CNTNAP5: variants seen among roughly 807,000 people sequenced by gnomAD.
CNTNAP5 encodes the protein contactin-associated protein-like 5.
A neutral mutation model predicts 150.2 loss-of-function variants in CNTNAP5; 72 were observed. The observed-to-expected ratio is 0.48, with a 90% CI of 0.40 to 0.58. The LOEUF (loss-of-function observed/expected upper bound fraction) is 0.58. Among genes scored for constraint, CNTNAP5 ranks in the 20% least tolerant of loss-of-function variants. The pLI is 0.00. For missense variants in CNTNAP5, 1,636 were observed against 1,626.2 expected (o/e 1.01, Z -0.10); for synonymous variants, 672 against 619.8 (o/e 1.08, Z -1.25).
chr2:124,212,663 T>G (rs1686043032), intron 1 of CNTNAP5, among the ~76,000 whole-genome samples: 1 of 152,072 alleles, frequency 6.6e-6, no homozygotes, highest in East Asian at 1.9e-4. Flanking sequence ...ACTGTCAGAG[T>G]GATGCCTTTG....
intron 13 of CNTNAP5, among the ~76,000 whole-genome samples, chr2:124,741,114 C>T (rs1680488937): frequency 6.6e-6 from 1 of 152,168 alleles, no homozygotes; most frequent in African/African-American, 2.4e-5. Flanking sequence ...GAAATGAGAA[C>T]TAAAACTCTT....
At chr2:124,416,641 T>G (rs1691923818) in intron 3 of CNTNAP5, among the ~76,000 whole-genome samples, 1 of 152,188 alleles carries the variant, frequency 6.6e-6, no homozygotes, top group Non-Finnish European at 1.5e-5. Flanking sequence ...ATTTGGAGAT[T>G]TTTTTCCTTC....
intron 21 of CNTNAP5, among the ~76,000 whole-genome samples, chr2:124,882,623 G>A (rs1179548988): frequency 1.3e-5 from 2 of 152,148 alleles, no homozygotes; most frequent in Admixed American, 1.3e-4. Flanking sequence ...TCATCAGAGA[G>A]AAGTCCTGCA....
intron 3 of CNTNAP5, among the ~76,000 whole-genome samples, chr2:124,366,073 C>T (rs914797202): frequency 1.3e-5 from 2 of 152,172 alleles, no homozygotes; most frequent in Non-Finnish European, 2.9e-5. Context: ...ATAGTCTATA[C>T]AGTGGGGACT....
chr2:124,439,149 C>G (rs1382595664), intron 5 of CNTNAP5, among the ~76,000 whole-genome samples: 1 of 152,208 alleles, frequency 6.6e-6, no homozygotes, highest in Middle Eastern at 3.4e-3. Flanking sequence ...ACAGAGGGAT[C>G]CAGGATCAAC....
At chr2:124,834,436 C>A (rs1682786194) in intron 19 of CNTNAP5, among the ~76,000 whole-genome samples, 1 of 152,112 alleles carries the variant, frequency 6.6e-6, no homozygotes, top group Non-Finnish European at 1.5e-5. Flanking sequence ...GGAGAAATGG[C>A]TAATTGTGCC....
intron 3 of CNTNAP5, among the ~76,000 whole-genome samples, chr2:124,282,194 T>G (rs562258276): frequency 1.4e-4 from 21 of 152,274 alleles, no homozygotes; most frequent in Non-Finnish European, 2.6e-4. Flanking sequence ...GACACACTTG[T>G]GTTTGAATGC....
intron 19 of CNTNAP5, among the ~76,000 whole-genome samples, chr2:124,799,536 C>A (rs1681921512): frequency 1.3e-5 from 2 of 152,342 alleles, no homozygotes; most frequent in South Asian, 4.1e-4. Context: ...TCTGCCCAAG[C>A]CATGCCACTG....
Position 124,083,653 on chromosome 2 carries a change from T to A in CNTNAP5, c.82+57921T>A, listed in dbSNP as rs554557653. ...TTTATTTCCAAGTTCTCTTTCTTTT[T>A]CATTGATTTATGTGTCCCTCTTTCT... On this transcript the variant is annotated intron_variant, in intron 1 of 23. Coordinates refer to ENST00000682447, the MANE Select transcript of CNTNAP5 (RefSeq NM_001367498.1). Among the ~76,000 whole-genome samples, 4 of 152,256 alleles carry A rather than the reference T, an allele frequency of 2.6e-5. No individual in the cohort carries two copies. The East Asian group carries it at 7.7e-4, about 29-fold the overall frequency.
At chr2:124,808,678 T>C (rs1682134995) in intron 19 of CNTNAP5, among the ~76,000 whole-genome samples, 1 of 152,124 alleles carries the variant, frequency 6.6e-6, no homozygotes, top group African/African-American at 2.4e-5. Context: ...GAAGGGAATT[T>C]AGTATGAGTG....
intron 1 of CNTNAP5, among the ~76,000 whole-genome samples, chr2:124,115,700 G>C (rs1023766784): frequency 7.2e-6 from 1 of 138,204 alleles, no homozygotes; most frequent in African/African-American, 2.7e-5. Flanking sequence ...CCAGGTTGAC[G>C]TGAGGTGGTA....
chr2:124,158,030 G>A (rs905243279), intron 1 of CNTNAP5, among the ~76,000 whole-genome samples: 1 of 152,198 alleles, frequency 6.6e-6, no homozygotes, highest in Non-Finnish European at 1.5e-5. Flanking sequence ...ATGACATGCT[G>A]CAAATGGTCA....
chr2:124,829,626 C>G (rs1682671101), intron 19 of CNTNAP5, among the ~76,000 whole-genome samples: 1 of 151,812 alleles, frequency 6.6e-6, no homozygotes, highest in East Asian at 1.9e-4. Context: ...AATCATGCAA[C>G]AAAATTGGAA....
At chr2:124,898,306 A>G (rs1678347901) in intron 21 of CNTNAP5, among the ~76,000 whole-genome samples, 1 of 151,502 alleles carries the variant, frequency 6.6e-6, no homozygotes, top group Non-Finnish European at 1.5e-5. Context: ...TCATGTTACA[A>G]TCCAGAGCAA....
At chr2:124,824,243 A>G (rs1210372926) in intron 19 of CNTNAP5, among the ~76,000 whole-genome samples, 1 of 151,928 alleles carries the variant, frequency 6.6e-6, no homozygotes. Context: ...ATGAGTGACC[A>G]TGCTCTTTCC....
Position 124,457,476 on chromosome 2 carries a change from C to T in CNTNAP5, c.918+10539C>T, listed in dbSNP as rs371728861. ...CAAATTAGCAAGAAAAAAAAGAAAACATCAAAAAGTGTGCTAAGGACATGA... is the reference window on the plus strand; with the variant it reads ...CAAATTAGCAAGAAAAAAAAGAAAATATCAAAAAGTGTGCTAAGGACATGA... On this transcript the variant is annotated intron_variant, in intron 6 of 23. Coordinates refer to ENST00000682447, the MANE Select transcript of CNTNAP5 (RefSeq NM_001367498.1). Among the ~76,000 whole-genome samples, 10 of 152,150 alleles carry T rather than the reference C, an allele frequency of 6.6e-5. No individual in the cohort carries two copies. The South Asian group carries it at 1.7e-3, about 25-fold the overall frequency.
intron 12 of CNTNAP5, among the ~76,000 whole-genome samples, chr2:124,616,329 C>T (rs4848946): frequency 0.9 from 136,842 of 152,196 alleles, 62,457 homozygotes; most frequent in East Asian, 1. Context: ...TTTTATGTTA[C>T]GAAGATGGCT....
chr2:124,104,592 C>T (rs144798375), intron 1 of CNTNAP5, among the ~76,000 whole-genome samples: 110 of 152,232 alleles, frequency 7.2e-4, no homozygotes, highest in African/African-American at 2.5e-3. Context: ...ATCCAATGAA[C>T]ATTTTTTAGT....
chr2:124,065,950 G>T (rs1215138232), intron 1 of CNTNAP5, among the ~76,000 whole-genome samples: 2 of 152,160 alleles, frequency 1.3e-5, no homozygotes, highest in Non-Finnish European at 2.9e-5. Flanking sequence ...GTCTGGTTTT[G>T]GTTTCAAATG....
Sources: allele counts gnomAD v4.1 joint callset (sites outside exome capture counted in the v4.1 genomes callset), GRCh38; gene constraint gnomAD v4.1.1; transcripts MANE v1.5; gene names NCBI Gene and HGNC (gene_info 2026-07-23, HGNC 2026-07-21).